The following PTPRD variants were observed in gnomAD, a reference collection of about 807,000 sequenced individuals.
PTPRD encodes the protein protein tyrosine phosphatase receptor type D.
PTPRD carries 34 observed loss-of-function variants against 214.5 expected under a neutral mutation model. The observed-to-expected ratio is 0.16, with a 90% confidence interval of 0.12 to 0.21. PTPRD has a LOEUF of 0.21. Ranked by LOEUF, PTPRD falls within the 10% of genes least tolerant of loss-of-function variation. The probability of loss-of-function intolerance (pLI) is 1.00; values close to 1 mark genes in which losing one functional copy is unlikely to be tolerated. For missense variants in PTPRD, 2,545 were observed against 2,398.7 expected (o/e 1.06, Z -1.27); for synonymous variants, 1,128 against 845.7 (o/e 1.33, Z -5.79).
chr9:8,636,976 A>G (rs1169364074), intron 12 of PTPRD, 132 bp from the exon 13 acceptor site: 1 of 834,850 alleles, frequency 1.2e-6, no homozygotes. Flanking sequence ...GCACTATGGG[A>G]TTACAAAATT....
At chr9:10,120,096 C>A (rs139783272) in intron 3 of PTPRD, among the ~76,000 whole-genome samples, 1 of 151,958 alleles carries the variant, frequency 6.6e-6, no homozygotes, top group East Asian at 1.9e-4. Context: ...TGTTTGTATG[C>A]TGCATAAGAA....
chr9:9,293,368 T>C (rs1951833746), intron 9 of PTPRD, among the ~76,000 whole-genome samples: 2 of 150,304 alleles, frequency 1.3e-5, no homozygotes, highest in South Asian at 2.1e-4. Context: ...TTTTACATAC[T>C]CCCATCATTG....
At chr9:9,945,846 A>G (rs1457397465) in intron 4 of PTPRD, among the ~76,000 whole-genome samples, 1 of 152,176 alleles carries the variant, frequency 6.6e-6, no homozygotes, top group Non-Finnish European at 1.5e-5. Context: ...TAAGTTAAAA[A>G]TCAGAAACAA....
chr9:10,575,950 A>G (rs890040777), intron 2 of PTPRD, among the ~76,000 whole-genome samples: 1 of 152,174 alleles, frequency 6.6e-6, no homozygotes, highest in Non-Finnish European at 1.5e-5. Context: ...TAAGAGTAGA[A>G]CAGACTTCTG....
chr9:8,656,148 T>C (rs1050899185), intron 12 of PTPRD, among the ~76,000 whole-genome samples: 1 of 152,152 alleles, frequency 6.6e-6, no homozygotes, highest in Admixed American at 6.5e-5. Context: ...TCACCTGTTG[T>C]TACTTGTTAA....
intron 5 of PTPRD, among the ~76,000 whole-genome samples, chr9:9,864,456 T>A (rs2063499665): frequency 6.6e-6 from 1 of 152,140 alleles, no homozygotes; most frequent in Non-Finnish European, 1.5e-5. Flanking sequence ...CAAAGTATGA[T>A]CAGAAATACA....
chr9:9,969,894 T>A (rs1303970065), intron 4 of PTPRD, among the ~76,000 whole-genome samples: 1 of 152,214 alleles, frequency 6.6e-6, no homozygotes, highest in Non-Finnish European at 1.5e-5. Context: ...TACATTTTTC[T>A]CCTGGCCTCT....
At chr9:10,345,509 T>A (rs944415877) in intron 2 of PTPRD, among the ~76,000 whole-genome samples, 1 of 144,232 alleles carries the variant, frequency 6.9e-6, no homozygotes, top group Non-Finnish European at 1.5e-5. Flanking sequence ...AGTGAGAACA[T>A]GCGGTGTTTG....
At chr9:8,701,935 CA>C (rs1411785060) in intron 12 of PTPRD, among the ~76,000 whole-genome samples, 1 of 152,094 alleles carries the variant, frequency 6.6e-6, no homozygotes, top group African/African-American at 2.4e-5. Flanking sequence ...CTTTTTTGAA[CA>C]ACAGAATGAT....
intron 11 of PTPRD, among the ~76,000 whole-genome samples, chr9:8,894,668 C>A (rs931773556): frequency 7.9e-5 from 12 of 152,102 alleles, no homozygotes; most frequent in Admixed American, 4.6e-4. Flanking sequence ...ATTTAGTAAA[C>A]TGAACGTATG....
intron 4 of PTPRD, among the ~76,000 whole-genome samples, chr9:10,010,766 G>T (rs893810823): frequency 7.2e-5 from 11 of 151,886 alleles, no homozygotes; most frequent in African/African-American, 2.4e-4. Context: ...TGGTAATGAG[G>T]AGACCAAAAG....
At chr9:9,408,011 G>C (rs1407347599) in intron 8 of PTPRD, among the ~76,000 whole-genome samples, 1 of 151,604 alleles carries the variant, frequency 6.6e-6, no homozygotes, top group Non-Finnish European at 1.5e-5. Context: ...CTGCCTGTGG[G>C]GTAAGTTACC....
chr9:8,847,452 A>G (rs1285998044), intron 11 of PTPRD, among the ~76,000 whole-genome samples: 1 of 152,184 alleles, frequency 6.6e-6, no homozygotes, highest in African/African-American at 2.4e-5. Context: ...AGAAAAACAT[A>G]TGGCTAAATA....
intron 11 of PTPRD, among the ~76,000 whole-genome samples, chr9:8,757,527 G>A (rs534990528): frequency 2.6e-5 from 4 of 151,686 alleles, no homozygotes; most frequent in South Asian, 2.1e-4. Context: ...CTTCAACACC[G>A]GCTGAGTATC....
intron 8 of PTPRD, among the ~76,000 whole-genome samples, chr9:9,507,242 A>T (rs2096591202): frequency 6.6e-6 from 1 of 151,290 alleles, no homozygotes; most frequent in Non-Finnish European, 1.5e-5. Context: ...AGGATATACA[A>T]TATATATTAA....
intron 5 of PTPRD, among the ~76,000 whole-genome samples, chr9:9,812,044 C>T (rs139359004): frequency 1.6e-3 from 242 of 152,294 alleles, no homozygotes; most frequent in African/African-American, 5.4e-3. Context: ...TGAGGCAAGA[C>T]GCTTCATAAG....
intron 2 of PTPRD, among the ~76,000 whole-genome samples, chr9:10,379,601 A>G (rs1031341026): frequency 3.9e-5 from 6 of 152,210 alleles, no homozygotes; most frequent in Middle Eastern, 6.8e-3. Context: ...GTAAGTATTT[A>G]AAGAAATACA....
intron 11 of PTPRD, among the ~76,000 whole-genome samples, chr9:8,966,745 A>G (rs2099197739): frequency 6.6e-6 from 1 of 152,132 alleles, no homozygotes; most frequent in South Asian, 2.1e-4. Flanking sequence ...ACAAAACCAA[A>G]ACATGACAAA....
chr9:9,119,757 C>G (rs1439031816), intron 10 of PTPRD, among the ~76,000 whole-genome samples: 1 of 151,818 alleles, frequency 6.6e-6, no homozygotes, highest in Non-Finnish European at 1.5e-5. Context: ...CTTCTGAGCT[C>G]AGATGATCCA....
Sources: allele counts gnomAD v4.1 joint callset (sites outside exome capture counted in the v4.1 genomes callset), GRCh38; gene constraint gnomAD v4.1.1; transcripts MANE v1.5; gene names NCBI Gene and HGNC (gene_info 2026-07-23, HGNC 2026-07-21).